Variants in GABRA3 observed in about 807,000 individuals in gnomAD.
GABRA3 encodes the protein gamma-aminobutyric acid type A receptor subunit alpha3, also known as gamma-aminobutyric acid receptor subunit alpha-3.
GABRA3 carries 10 observed loss-of-function variants against 30.1 expected under a neutral mutation model. The observed-to-expected ratio is 0.33, with a 90% CI of 0.20 to 0.56. The LOEUF is 0.56. Ranked by LOEUF, GABRA3 falls within the 20% of genes least tolerant of loss-of-function variation. GABRA3 has a pLI of 0.89. For synonymous variants in GABRA3, 151 were observed against 146.8 expected (o/e 1.03, Z -0.21); for missense variants, 233 against 392.0 (o/e 0.59, Z 3.42).
At chrX:152,369,805 A>T (rs945071498) in intron 1 of GABRA3, among the ~76,000 whole-genome samples, 14 of 111,135 alleles carry the variant, frequency 1.3e-4, no homozygotes, top group Non-Finnish European at 2.4e-4. Flanking sequence ...GGTTTTTTTT[A>T]AATTCAAAGA....
intron 3 of GABRA3, among the ~76,000 whole-genome samples, chrX:152,311,847 AAAC>A (rs1389497133): frequency 1.8e-5 from 2 of 111,371 alleles, no homozygotes; most frequent in African/African-American, 6.5e-5. Flanking sequence ...ATAAAAAAAA[AAAC>A]ATCAGCAAAG....
chrX:152,252,702 T>G (rs1938577081), intron 5 of GABRA3, among the ~76,000 whole-genome samples: 1 of 111,632 alleles, frequency 9.0e-6, no homozygotes, highest in Non-Finnish European at 1.9e-5. Flanking sequence ...GGAAACAATC[T>G]GAAAATCTCA....
rs776263593 is a variant in GABRA3, at chrX:152,330,440, T to G, written c.262+15141A>C. ...CACTATTCACAATAGCAAAGACTTG[T>G]AACCAAGCCAAATGTCCATCAATGA... On this transcript the variant is annotated intron_variant, in intron 3 of 9. Coordinates refer to ENST00000370314, the MANE Select transcript of GABRA3 (RefSeq NM_000808.4). Among the ~76,000 whole-genome samples the G allele has an allele frequency of 5.2e-3, 584 of 111,925 alleles. 4 individuals are homozygous for G. The highest frequency in any genetic ancestry group is 7.8e-3 in the Non-Finnish European group (417 of 53,190).
chrX:152,315,970 G>GCC (rs1939869546), intron 3 of GABRA3, among the ~76,000 whole-genome samples: 1 of 19,802 alleles, frequency 5.0e-5, no homozygotes. Flanking sequence ...CCCGCCCCCC[G>GCC]ACCCCCCCCC....
chrX:152,275,216 A>ATATATAATTTATATTTAATAT (rs1939034570), intron 4 of GABRA3, among the ~76,000 whole-genome samples: 5 of 49,619 alleles, frequency 1.0e-4, no homozygotes, highest in Non-Finnish European at 1.2e-4. Flanking sequence ...ATATAATATT[A>ATATATAATTTATATTTAATAT]TATATATATA....
At chrX:152,422,487 T>C (rs1280549802) in intron 1 of GABRA3, among the ~76,000 whole-genome samples, 1 of 110,840 alleles carries the variant, frequency 9.0e-6, no homozygotes, top group Non-Finnish European at 1.9e-5. Context: ...AGTGGTTACA[T>C]TTAACAAAAA....
At chrX:152,364,791 GC>G (rs1252116485) in intron 1 of GABRA3, among the ~76,000 whole-genome samples, 195 bp from the exon 2 acceptor site, 1 of 110,659 alleles carries the variant, frequency 9.0e-6, no homozygotes, top group African/African-American at 3.3e-5. Context: ...CACCAAAATC[GC>G]CCCCAATATA....
chrX:152,270,120 C>A (rs1771402779), intron 4 of GABRA3, among the ~76,000 whole-genome samples: 1 of 111,917 alleles, frequency 8.9e-6, no homozygotes, highest in African/African-American at 3.3e-5. Flanking sequence ...TGTGTACCCA[C>A]CCAAATCTCA....
intron 3 of GABRA3, among the ~76,000 whole-genome samples, chrX:152,298,471 G>A (rs1284782410): frequency 2.8e-5 from 3 of 107,540 alleles, no homozygotes; most frequent in Non-Finnish European, 5.7e-5. Flanking sequence ...GAGAACATGC[G>A]GTGTTTGGTT....
At chrX:152,356,186 T>C (rs1462226047) in intron 2 of GABRA3, among the ~76,000 whole-genome samples, 3 of 111,962 alleles carry the variant, frequency 2.7e-5, no homozygotes, top group Non-Finnish European at 5.6e-5. Context: ...TTAGGCACTA[T>C]TCCCAGAGCT....
rs184328943 is a variant in GABRA3, at chrX:152,265,616, C to T, written c.331-9618G>A. Among the ~76,000 whole-genome samples the T allele has an allele frequency of 4.5e-5, 5 of 110,769 alleles. No homozygotes were observed. In the East Asian group the frequency reaches 1.4e-3, roughly 31 times the overall value. ...AGAAAAAACAAGAGCAAACCAAGCC[C>T]AACATTAGTAGAAGAAAAGAAATAA... On this transcript the variant is annotated intron_variant, in intron 4 of 9. Coordinates refer to ENST00000370314, the MANE Select transcript of GABRA3 (RefSeq NM_000808.4).
In GABRA3 at chrX:152,189,814, C is replaced by T; in HGVS notation, c.1059G>A (p.Leu353=). The change falls in exon 9 of 10, where the codon CTG becomes CTA. Residue 353 remains leucine, a synonymous_variant. Coordinates refer to ENST00000370314, the MANE Select transcript of GABRA3 (RefSeq NM_000808.4). ...AATAGTTGACAGTGGCAAATTCAAT[C>T]AGTGCAGAAAATACAAAGGCATAAC... ...AVCYAFVFSA[L]IEFATVNYFT... 8.3e-7 allele frequency: 1 copy of T among 1,210,462 alleles called. No individual in the cohort carries two copies. The highest frequency in any genetic ancestry group is 1.1e-6 in the Non-Finnish European group (1 of 894,674).
chrX:152,368,939 T>C (rs1337704789), intron 1 of GABRA3, among the ~76,000 whole-genome samples: 1 of 111,200 alleles, frequency 9.0e-6, no homozygotes, highest in Non-Finnish European at 1.9e-5. Context: ...TCTCCTGACC[T>C]TGTGATCCGC....
At chrX:152,362,324 T>C (rs1016363046) in intron 2 of GABRA3, among the ~76,000 whole-genome samples, 1 of 110,794 alleles carries the variant, frequency 9.0e-6, no homozygotes, top group Admixed American at 9.7e-5. Flanking sequence ...ATTGCAGGGC[T>C]AAGAGGTCAT....
chrX:152,327,327 A>G (rs1280005160), intron 3 of GABRA3, among the ~76,000 whole-genome samples: 1 of 110,427 alleles, frequency 9.1e-6, no homozygotes, highest in Non-Finnish European at 1.9e-5. Flanking sequence ...CCAGGAATTG[A>G]ACTCAGCTCT....
chrX:152,335,609 A>AT (rs1940222083), intron 3 of GABRA3, among the ~76,000 whole-genome samples: 1 of 112,012 alleles, frequency 8.9e-6, no homozygotes. Context: ...CCTTCAAAGA[A>AT]TTTTTTAAAT....
intron 4 of GABRA3, among the ~76,000 whole-genome samples, chrX:152,278,344 G>C (rs1451878181): frequency 9.4e-6 from 1 of 106,427 alleles, no homozygotes; most frequent in African/African-American, 3.4e-5. Context: ...CCACCTATGA[G>C]TGAGAACATG....
rs189151831 is a variant in GABRA3 at position 152,403,497 on chromosome X, C to T, written c.-26-38901G>A. ...TTATATAACAGACCAACTCATCCACCAAGAAAATCTAGAATACTTCCATAA... is the reference window on the plus strand; with the variant it reads ...TTATATAACAGACCAACTCATCCACTAAGAAAATCTAGAATACTTCCATAA... On this transcript the variant is annotated intron_variant, in intron 1 of 9. Coordinates refer to ENST00000370314, the MANE Select transcript of GABRA3 (RefSeq NM_000808.4). 2.1e-4 allele frequency among the ~76,000 whole-genome samples: 23 copies of T among 110,086 alleles called. 1 individual carries two copies. Among genetic ancestry groups the T allele is most frequent in the African/African-American group, 6.9e-4 (21 of 30,300 alleles).
rs192207271 is a variant in GABRA3, at chrX:152,261,554, C to T, written c.331-5556G>A. 9.8e-5 allele frequency among the ~76,000 whole-genome samples: 11 copies of T among 112,461 alleles called. No individual in the cohort carries two copies. The East Asian group carries it at 2.8e-3, about 29-fold the overall frequency. On this transcript the variant is annotated intron_variant, in intron 4 of 9. Transcript: ENST00000370314. ...GTCCCCATGCAAGTCCAAAATCCAACAGTGCAGTCATTAAACCTTAAAGTT... is the reference window on the plus strand; with the variant it reads ...GTCCCCATGCAAGTCCAAAATCCAATAGTGCAGTCATTAAACCTTAAAGTT...
Sources: allele counts gnomAD v4.1 joint callset (sites outside exome capture counted in the v4.1 genomes callset), GRCh38; gene constraint gnomAD v4.1.1; transcripts MANE v1.5; gene names NCBI Gene and HGNC (gene_info 2026-07-23, HGNC 2026-07-21).